Variants in FAM227B observed in about 807,000 individuals in gnomAD.
The protein encoded by FAM227B is family with sequence similarity 227 member B, also known as protein FAM227B.
Under a neutral mutation model 73.8 loss-of-function variants are expected in FAM227B, and 88 were observed. The ratio of observed to expected loss-of-function variants is 1.19; its 90% confidence interval spans 1.00 to 1.42. The LOEUF (loss-of-function observed/expected upper bound fraction) is 1.42. Among genes scored for constraint, FAM227B ranks in the 40% most tolerant of loss-of-function variants. The probability of loss-of-function intolerance (pLI) is 0.00; values close to 1 mark genes in which losing one functional copy is unlikely to be tolerated. For missense variants in FAM227B, 632 were observed against 590.9 expected (o/e 1.07, Z -0.72); for synonymous variants, 210 against 190.5 (o/e 1.10, Z -0.84).
intron 11 of FAM227B, among the ~76,000 whole-genome samples, chr15:49,430,250 C>G (rs915297694): frequency 2.6e-5 from 4 of 151,918 alleles, no homozygotes; most frequent in African/African-American, 9.7e-5. Flanking sequence ...CACAGCCTCA[C>G]AATGACAGGC....
At chr15:49,541,146 T>A (rs2071010396) in intron 10 of FAM227B, among the ~76,000 whole-genome samples, 1 of 152,124 alleles carries the variant, frequency 6.6e-6, no homozygotes, top group African/African-American at 2.4e-5. Flanking sequence ...AAACTATATT[T>A]CTATACCTTA....
At chr15:49,480,825 C>T (rs1597471371) in intron 11 of FAM227B, among the ~76,000 whole-genome samples, 1 of 152,160 alleles carries the variant, frequency 6.6e-6, no homozygotes, top group East Asian at 1.9e-4. Context: ...GGGCAATAGA[C>T]AGGCAGGGGA....
chr15:49,566,229 T>C (rs1031162690), intron 9 of FAM227B, among the ~76,000 whole-genome samples: 6 of 151,976 alleles, frequency 3.9e-5, no homozygotes, highest in Non-Finnish European at 7.4e-5. Context: ...AACTCTATAA[T>C]ATGTTGACAT....
intron 11 of FAM227B, among the ~76,000 whole-genome samples, chr15:49,376,469 T>G (rs897141089): frequency 6.6e-6 from 1 of 152,094 alleles, no homozygotes; most frequent in Middle Eastern, 3.2e-3. Context: ...GTCTATTTCA[T>G]TTACCTATAT....
chr15:49,438,915 G>T (rs1276052440), intron 11 of FAM227B, among the ~76,000 whole-genome samples: 1 of 151,328 alleles, frequency 6.6e-6, no homozygotes, highest in Non-Finnish European at 1.5e-5. Context: ...GAGAGAGAGA[G>T]AAAATTAGTT....
At chr15:49,392,217 C>T (rs1358889039) in intron 11 of FAM227B, among the ~76,000 whole-genome samples, 2 of 152,062 alleles carry the variant, frequency 1.3e-5, no homozygotes, top group African/African-American at 4.8e-5. Context: ...AGACTGTGAA[C>T]TGAACACCAT....
At chr15:49,486,657 C>T (rs1407783465) in intron 11 of FAM227B, 1 of 151,964 alleles carries the variant, frequency 6.6e-6, no homozygotes, top group African/African-American at 2.4e-5. Context: ...TGCTCTTTGT[C>T]TATGGAGTTA....
At chr15:49,455,148 G>A (rs17400706) in intron 11 of FAM227B, among the ~76,000 whole-genome samples, 26,637 of 152,074 alleles carry the variant, frequency 0.18, 2,602 homozygotes, top group Non-Finnish European at 0.22. Context: ...GTTAATTGGC[G>A]TCTCAGGTGA....
At chr15:49,361,212 A>G (rs914680671) in intron 13 of FAM227B, among the ~76,000 whole-genome samples, 7 of 152,330 alleles carry the variant, frequency 4.6e-5, no homozygotes, top group African/African-American at 1.4e-4. Context: ...ATTAATTTAA[A>G]AAACTTAAAA....
At chr15:49,370,981 T>C (rs1027614437) in intron 12 of FAM227B, among the ~76,000 whole-genome samples, 4 of 152,212 alleles carry the variant, frequency 2.6e-5, no homozygotes, top group Non-Finnish European at 4.4e-5. Context: ...TTGCTGCTTA[T>C]TAAGATCATA....
intron 11 of FAM227B, among the ~76,000 whole-genome samples, chr15:49,451,565 C>G (rs75805553): frequency 2.6e-5 from 4 of 151,890 alleles, no homozygotes; most frequent in Non-Finnish European, 4.4e-5. Context: ...TTTTCTAAAT[C>G]TTCTTAGAAT....
At chr15:49,329,808 A>G in intron 15 of FAM227B, 1 of 362,548 alleles carries the variant, frequency 2.8e-6, no homozygotes, top group African/African-American at 2.4e-5. Flanking sequence ...GATCAGTGTA[A>G]AAAAAAAAAA....
intron 10 of FAM227B, among the ~76,000 whole-genome samples, chr15:49,538,920 AT>A (rs2070659025): frequency 7.5e-6 from 1 of 132,540 alleles, no homozygotes; most frequent in Non-Finnish European, 1.6e-5. Flanking sequence ...TGAATTCTTT[AT>A]CAGGAAATTG....
intron 11 of FAM227B, among the ~76,000 whole-genome samples, chr15:49,389,602 T>G (rs1340431411): frequency 5.7e-5 from 8 of 141,404 alleles, no homozygotes. Context: ...CATCCATCCA[T>G]GTAAAAAAAA....
At chr15:49,376,957 T>A (rs943515721) in intron 11 of FAM227B, among the ~76,000 whole-genome samples, 4 of 152,080 alleles carry the variant, frequency 2.6e-5, no homozygotes, top group Non-Finnish European at 5.9e-5. Flanking sequence ...TATCAAATAC[T>A]AGGTCTTATT....
At chr15:49,576,494 G>C (rs1454185664) in intron 7 of FAM227B, 1 of 322,774 alleles carries the variant, frequency 3.1e-6, no homozygotes, top group East Asian at 6.5e-5. Flanking sequence ...AAAAACACCT[G>C]TTACGGTTAC....
At position 49,358,760 on chromosome 15, in the gene FAM227B, A is replaced by G. The variant is rs554425394; in HGVS notation, c.1271+8688T>C. 9.1e-4 allele frequency among the ~76,000 whole-genome samples: 139 copies of G among 152,260 alleles called. 5 individuals carry two copies. The South Asian group carries it at 0.028, about 30-fold the overall frequency. ...TACTTTAAAGTTCATATGGAACCAA[A>G]AAAGAGCCTGCATCGCCAAGTCAAA... is the stretch of plus-strand genomic sequence containing the variant. On this transcript the variant is annotated intron_variant, in intron 13 of 15. Coordinates refer to ENST00000299338, the MANE Select transcript of FAM227B (RefSeq NM_152647.3).
chr15:49,440,709 T>G (rs970002161), intron 11 of FAM227B, among the ~76,000 whole-genome samples: 3 of 151,612 alleles, frequency 2.0e-5, no homozygotes, highest in Non-Finnish European at 3.0e-5. Flanking sequence ...ATGAGGAAAA[T>G]GAGGCTCAGT....
At chr15:49,417,188 T>C (rs1011840720) in intron 11 of FAM227B, among the ~76,000 whole-genome samples, 2 of 152,084 alleles carry the variant, frequency 1.3e-5, no homozygotes, top group African/African-American at 4.8e-5. Flanking sequence ...GGCCAGGAGT[T>C]TGAGACCAGC....
Sources: allele counts gnomAD v4.1 joint callset (sites outside exome capture counted in the v4.1 genomes callset), GRCh38; gene constraint gnomAD v4.1.1; transcripts MANE v1.5; gene names NCBI Gene and HGNC (gene_info 2026-07-23, HGNC 2026-07-21).